Variants in USP50 observed in about 807,000 individuals in gnomAD.
USP50 encodes the protein ubiquitin carboxyl-terminal hydrolase 50.
A neutral mutation model predicts 39.2 loss-of-function variants in USP50; 37 were observed. The observed-to-expected ratio is 0.94, with a 90% CI of 0.73 to 1.24. USP50 has a LOEUF of 1.24. USP50 is among the 50% of genes most tolerant of loss of function. The pLI is 0.00. For missense variants in USP50, 374 were observed against 398.2 expected, an observed-to-expected ratio of 0.94 and a Z score of 0.52; for synonymous variants, 139 against 144.5, an observed-to-expected ratio of 0.96 and a Z score of 0.27.
intron 6 of USP50, chr15:50,505,161 A>T (rs2052641967): frequency 6.6e-6 from 1 of 152,170 alleles, no homozygotes. Context: ...ATTAAAAGTG[A>T]TAATGGCTGA....
chr15:50,538,775 T>C lies in USP50; in HGVS notation c.737A>G (p.Lys246Arg). 6.2e-7 allele frequency: 1 copy of C among 1,613,840 alleles called. No homozygotes were observed. ...NEIHCSFCET[K>R]QETAVRASIS... ...ACTGGCCCTCACAGCAGTTTCTTGC[T>C]TGGTTTCACAAAAGGAGCAGTGAAT... Residue 246 changes from lysine to arginine, a missense_variant, in exon 5 of 7, where the codon AAG (lysine) becomes AGG (arginine). Coordinates refer to ENST00000532404, the MANE Select transcript of USP50 (RefSeq NM_203494.5).
intron 5 of USP50, among the ~76,000 whole-genome samples, chr15:50,530,142 A>T (rs1365565663): frequency 1.3e-5 from 2 of 152,084 alleles, no homozygotes; most frequent in Non-Finnish European, 2.9e-5. Context: ...CCCCGTCTCT[A>T]CATAAAATTC....
chr15:50,525,656 GTA>G (rs1212569675), intron 6 of USP50, among the ~76,000 whole-genome samples: 3 of 75,500 alleles, frequency 4.0e-5, no homozygotes, highest in Non-Finnish European at 5.6e-5. Context: ...ATATGTATAT[GTA>G]TATATGTATA....
At chr15:50,495,834 C>A, downstream of USP50, 7 of 1,587,208 alleles carry the variant, frequency 4.4e-6, no homozygotes, top group South Asian at 1.1e-5. Context: ...GAGCTTAAAT[C>A]ATTTTATTTC....
chr15:50,495,777 C>T, downstream of USP50: 1 of 1,239,846 alleles, frequency 8.1e-7, no homozygotes, highest in East Asian at 2.5e-5. Flanking sequence ...TGTTTGTATT[C>T]ACTTTTATTC....
chr15:50,546,592 T>C lies in USP50; in HGVS notation c.-67A>G. 6.4e-7 allele frequency: 1 copy of C among 1,573,192 alleles called. No homozygotes were observed. On this transcript the variant is annotated 5_prime_UTR_variant, in exon 1 of 7. Transcript: ENST00000532404. ...TACATCTATTCCTTTCAACTTCATT[T>C]CTCTGAGCCTGTTAACGCTGGCTTT...
In USP50 at chr15:50,546,644, C is replaced by G; in HGVS notation, c.-119G>C. The G allele has an allele frequency of 9.1e-7, 1 of 1,093,942 alleles. No individual in the cohort carries two copies. The highest frequency in any genetic ancestry group is 1.5e-5 in the African/African-American group (1 of 64,736). 67.8% of individuals were successfully genotyped at this position (1,093,942 alleles called of 1,614,324 possible). On this transcript the variant is annotated 5_prime_UTR_variant, in exon 1 of 7. Coordinates refer to ENST00000532404, the MANE Select transcript of USP50 (RefSeq NM_203494.5). ...TGTTTTAAACAATTGATATGCTCCT[C>G]TCTCTTCCAGTAGCTGCGAACTGAT...
At chr15:50,537,498 A>G (rs544477738) in intron 5 of USP50, among the ~76,000 whole-genome samples, 56 of 152,036 alleles carry the variant, frequency 3.7e-4, no homozygotes, top group African/African-American at 1.2e-3. Flanking sequence ...TGTCAAGAGA[A>G]TAAAAAACAA....
chr15:50,514,460 G>A (rs905498874), intron 6 of USP50: 2 of 152,174 alleles, frequency 1.3e-5, no homozygotes, highest in Non-Finnish European at 2.9e-5. Flanking sequence ...CACTTTGAGA[G>A]GCCGAGGCAG....
rs145289152 is a variant in USP50 at position 50,529,130 on chromosome 15, G to C, written c.936+667C>G. On this transcript the variant is annotated intron_variant, in intron 6 of 6. Transcript: ENST00000532404. ...GGACCCCAGCGTTTTTCTAGGCCTGGCTGCATACAGGAATTGAATCTTGTG... is the reference window on the plus strand; with the variant it reads ...GGACCCCAGCGTTTTTCTAGGCCTGCCTGCATACAGGAATTGAATCTTGTG... Among the ~76,000 whole-genome samples the C allele has an allele frequency of 8.5e-5, 13 of 152,132 alleles. No individual in the cohort carries two copies. In the East Asian group the frequency reaches 2.5e-3, roughly 29 times the overall value.
In USP50 at chr15:50,543,615, G is replaced by A. The variant is rs2141381789; in HGVS notation, c.427C>T (p.His143Tyr). 6.2e-7 allele frequency: 1 copy of A among 1,613,414 alleles called. No individual in the cohort carries two copies. Among genetic ancestry groups the A allele is most frequent in the Non-Finnish European group, 8.5e-7 (1 of 1,179,652 alleles). The change falls in exon 3 of 7, where the codon CAT (histidine) becomes TAT (tyrosine). Residue 143 changes from histidine (H) to tyrosine (Y), a missense_variant. Coordinates refer to ENST00000532404, the MANE Select transcript of USP50 (RefSeq NM_203494.5). ...CTACTTACCTTTTTTAGAGCTTCAT[G>A]AAGTTCATTTAGGACACAAATCAAG... ...EFLICVLNEL[H>Y]EALKKYHYSR... is the part of the protein sequence containing the mutation.
intron 4 of USP50, among the ~76,000 whole-genome samples, chr15:50,540,648 G>A (rs753680178): frequency 7.9e-5 from 12 of 152,020 alleles, no homozygotes; most frequent in Non-Finnish European, 1.3e-4. Flanking sequence ...ATTTGAGACA[G>A]AGACTCACTC....
At chr15:50,530,758 A>C (rs1029660196) in intron 5 of USP50, among the ~76,000 whole-genome samples, 1 of 152,186 alleles carries the variant, frequency 6.6e-6, no homozygotes, top group Non-Finnish European at 1.5e-5. Flanking sequence ...TGAATCTAGC[A>C]GGGCAAAAAG....
At chr15:50,493,091 C>T (rs548190791), downstream of USP50, 14 of 723,888 alleles carry the variant, frequency 1.9e-5, no homozygotes, top group African/African-American at 7.0e-5. Flanking sequence ...GTCTAGGTGC[C>T]GGCATCTGGT....
intron 6 of USP50, among the ~76,000 whole-genome samples, chr15:50,528,540 T>G (rs1184830571): frequency 6.6e-6 from 1 of 152,144 alleles, no homozygotes. Context: ...TAGTAAAATA[T>G]AAGGGAGGCA....
intron 6 of USP50, among the ~76,000 whole-genome samples, chr15:50,525,666 ATATG>A (rs1566907720): frequency 7.0e-6 from 1 of 141,942 alleles, no homozygotes; most frequent in Admixed American, 7.5e-5. Context: ...GTATATATGT[ATATG>A]TATATATGTA....
chr15:50,532,901 A>T (rs1415647316), intron 5 of USP50, among the ~76,000 whole-genome samples: 1 of 152,214 alleles, frequency 6.6e-6, no homozygotes, highest in African/African-American at 2.4e-5. Context: ...ATCTTCTAAC[A>T]TGTGAAGAAT....
At position 50,529,811 on chromosome 15, in the gene USP50, G is replaced by A. The variant is rs374218614; in HGVS notation, c.922C>T (p.Leu308Phe). The change falls in exon 6 of 7, where the codon CTC (leucine) becomes TTC (phenylalanine). Residue 308 changes from leucine (L) to phenylalanine (F), a missense_variant. By Grantham distance (22) the Leu-to-Phe change is conservative (BLOSUM62 0). Coordinates refer to ENST00000532404, the MANE Select transcript of USP50 (RefSeq NM_203494.5). Reference protein sequence around the residue: ...SIFRKYPKYNLCAVVNHFGDL... With the variant: ...SIFRKYPKYNFCAVVNHFGDL... ...TTTTTACTCACCACCACTGCACAGAGGTTGTATTTAGGATATTTCCGGAAA... is the reference window on the plus strand; with the variant it reads ...TTTTTACTCACCACCACTGCACAGAAGTTGTATTTAGGATATTTCCGGAAA... The A allele has an allele frequency of 1.2e-6, 2 of 1,613,412 alleles. No individual in the cohort carries two copies. The highest frequency in any genetic ancestry group is 2.7e-5 in the African/African-American group (2 of 74,590).
chr15:50,523,225 CTGGAG>C (rs1265968830), intron 6 of USP50, among the ~76,000 whole-genome samples: 6 of 136,306 alleles, frequency 4.4e-5, no homozygotes, highest in African/African-American at 1.7e-4. Context: ...GTCACCCAGG[CTGGAG>C]TGCAGTGGCA....
Sources: allele counts gnomAD v4.1 joint callset (sites outside exome capture counted in the v4.1 genomes callset), GRCh38; gene constraint gnomAD v4.1.1; transcripts MANE v1.5; gene names NCBI Gene and HGNC (gene_info 2026-07-23, HGNC 2026-07-21).